ROBO1: variants seen among roughly 807,000 people sequenced by gnomAD.
The protein encoded by ROBO1 is roundabout guidance receptor 1, also known as roundabout homolog 1.
A neutral mutation model predicts 195.9 loss-of-function variants in ROBO1; 149 were observed. The observed-to-expected ratio is 0.76, with a 90% confidence interval of 0.67 to 0.87. The LOEUF (loss-of-function observed/expected upper bound fraction) is 0.87. ROBO1 is among the 40% of genes least tolerant of loss of function. ROBO1 has a pLI of 0.00. For missense variants in ROBO1, 1,933 were observed against 2,068.3 expected (o/e 0.93, Z 1.27); for synonymous variants, 816 against 733.2 (o/e 1.11, Z -1.82).
At chr3:78,618,089 C>A in intron 26 of ROBO1, 48 bp from the exon 27 acceptor site, 1 of 1,522,830 alleles carries the variant, frequency 6.6e-7, no homozygotes, top group African/African-American at 1.4e-5. Context: ...TTATTTAAGA[C>A]ATAAAAGGAC....
At chr3:79,420,229 C>T (rs1047572031) in intron 2 of ROBO1, among the ~76,000 whole-genome samples, 4 of 151,996 alleles carry the variant, frequency 2.6e-5, no homozygotes, top group Non-Finnish European at 5.9e-5. Context: ...AAAATTAAAA[C>T]ATTTATATAC....
intron 3 of ROBO1, among the ~76,000 whole-genome samples, chr3:79,096,188 A>G (rs2079562501): frequency 6.6e-6 from 1 of 151,940 alleles, no homozygotes; most frequent in Non-Finnish European, 1.5e-5. Context: ...CTCAAGCAGC[A>G]ATGTAGAAGA....
intron 3 of ROBO1, among the ~76,000 whole-genome samples, chr3:79,038,834 A>G (rs992595115): frequency 6.6e-6 from 1 of 152,150 alleles, no homozygotes; most frequent in African/African-American, 2.4e-5. Context: ...TCAGCTCCAG[A>G]CTGTAGCATT....
intron 4 of ROBO1, among the ~76,000 whole-genome samples, chr3:78,790,816 CT>C (rs2083996394): frequency 6.6e-6 from 1 of 152,108 alleles, no homozygotes; most frequent in South Asian, 2.1e-4. Flanking sequence ...ATTTGATTCC[CT>C]TTTATGGTTG....
intron 5 of ROBO1, among the ~76,000 whole-genome samples, chr3:78,742,054 G>A (rs1319661028): frequency 1.3e-5 from 2 of 152,062 alleles, no homozygotes; most frequent in African/African-American, 4.8e-5. Flanking sequence ...AAATACAGGT[G>A]CAGCTATAAT....
intron 3 of ROBO1, among the ~76,000 whole-genome samples, chr3:78,948,104 G>A (rs572827981): frequency 0.028 from 4,228 of 151,664 alleles, 203 homozygotes; most frequent in African/African-American, 0.097. Context: ...AGAAAAAGGA[G>A]CTGGTACCAT....
At chr3:79,066,136 T>C (rs753301019) in intron 3 of ROBO1, among the ~76,000 whole-genome samples, 4 of 151,872 alleles carry the variant, frequency 2.6e-5, no homozygotes, top group African/African-American at 4.8e-5. Flanking sequence ...AGTCTGTAGG[T>C]CAGCGGAGCC....
At chr3:78,613,995 T>G (rs1475697076) in intron 28 of ROBO1, among the ~76,000 whole-genome samples, 2 of 152,188 alleles carry the variant, frequency 1.3e-5, no homozygotes, top group Admixed American at 1.3e-4. Flanking sequence ...CCTGTGGGGT[T>G]GTTTTATAAA....
At chr3:79,622,986 C>T (rs1176360928) in intron 1 of ROBO1, among the ~76,000 whole-genome samples, 1 of 152,178 alleles carries the variant, frequency 6.6e-6, no homozygotes, top group Non-Finnish European at 1.5e-5. Flanking sequence ...TTGCTATTCT[C>T]CAGCCTCCTT....
intron 2 of ROBO1, among the ~76,000 whole-genome samples, chr3:79,141,135 A>G (rs1314553744): frequency 6.6e-6 from 1 of 152,166 alleles, no homozygotes; most frequent in African/African-American, 2.4e-5. Context: ...AGAGAGATAG[A>G]AACTATGCTT....
At chr3:79,278,743 A>T (rs1163936162) in intron 2 of ROBO1, among the ~76,000 whole-genome samples, 1 of 152,132 alleles carries the variant, frequency 6.6e-6, no homozygotes, top group Non-Finnish European at 1.5e-5. Context: ...ACTGCAGAAG[A>T]AAACATACGG....
rs533448980 is a variant in ROBO1 at position 79,183,004 on chromosome 3, C to T, written c.89-57465G>A. Among the ~76,000 whole-genome samples, 305 of 149,642 alleles carry T rather than the reference C, an allele frequency of 2.0e-3. 4 individuals carry two copies. The highest frequency in any genetic ancestry group is 6.5e-3 in the African/African-American group (263 of 40,228). ...GCTGAGGCAGGAGAATCGCTTGAAC[C>T]CAGGACGCGGAGTTTGCAGTGAGCC... On this transcript the variant is annotated intron_variant, in intron 2 of 30. Transcript: ENST00000464233.
intron 14 of ROBO1, 96 bp from the exon 15 acceptor site, chr3:78,662,210 C>T: frequency 1.9e-6 from 2 of 1,079,392 alleles, no homozygotes; most frequent in Non-Finnish European, 2.5e-6. Context: ...TAGCAACTCT[C>T]AGTAAAGAAG....
intron 10 of ROBO1, among the ~76,000 whole-genome samples, chr3:78,673,788 G>A (rs979172545): frequency 6.6e-6 from 1 of 150,820 alleles, no homozygotes; most frequent in East Asian, 2.0e-4. Flanking sequence ...ATAATTTTAA[G>A]AGAAAAAGAA....
chr3:79,101,711 C>T (rs967054276), intron 3 of ROBO1, among the ~76,000 whole-genome samples: 3 of 151,874 alleles, frequency 2.0e-5, no homozygotes, highest in African/African-American at 7.2e-5. Context: ...AATAGTTTAA[C>T]ATCAAGAATG....
chr3:78,702,475 A>T (rs1028533517), intron 8 of ROBO1, among the ~76,000 whole-genome samples: 3 of 152,234 alleles, frequency 2.0e-5, no homozygotes, highest in African/African-American at 7.2e-5. Flanking sequence ...TATGTGAATC[A>T]ACTTAGAATT....
intron 2 of ROBO1, among the ~76,000 whole-genome samples, chr3:79,467,669 C>A (rs1938038873): frequency 6.6e-6 from 1 of 152,074 alleles, no homozygotes; most frequent in African/African-American, 2.4e-5. Context: ...GCAATAAAAT[C>A]CCTCACATTT....
chr3:78,911,514 T>C (rs984855114), intron 4 of ROBO1, among the ~76,000 whole-genome samples: 2 of 152,008 alleles, frequency 1.3e-5, no homozygotes, highest in Non-Finnish European at 2.9e-5. Context: ...ATGAACTGTA[T>C]TCGTGAAATT....
At chr3:79,019,062 G>A (rs892689339) in intron 3 of ROBO1, 3 of 989,392 alleles carry the variant, frequency 3.0e-6, no homozygotes, top group African/African-American at 1.7e-5. Flanking sequence ...AGGGGGCGGT[G>A]CGGCGACAGC....
Sources: gnomAD v4.1 joint callset for allele counts (sites outside exome capture counted in the v4.1 genomes callset) on GRCh38, gnomAD v4.1.1 for gene constraint, MANE v1.5 for transcripts, NCBI Gene and HGNC (gene_info 2026-07-23, HGNC 2026-07-21) for gene names.